Variants in SPTB observed in about 807,000 individuals in gnomAD.
SPTB encodes the protein spectrin beta chain, erythrocytic.
Under a neutral mutation model 256.2 loss-of-function variants are expected in SPTB, and 45 were observed. That is an observed-to-expected ratio of 0.18 (90% confidence interval 0.14 to 0.23). SPTB has a LOEUF of 0.23. SPTB is among the 10% of genes least tolerant of loss of function. SPTB has a pLI of 1.00. For synonymous variants in SPTB, 1,231 were observed against 1,243.1 expected, an observed-to-expected ratio of 0.99 and a Z score of 0.21; for missense variants, 2,715 against 3,040.4, an observed-to-expected ratio of 0.89 and a Z score of 2.52.
chr14:64,822,374 T>TCTCTCTCTCACACACACA (rs1365655327), intron 2 of SPTB, among the ~76,000 whole-genome samples: 2 of 1,018 alleles, frequency 2.0e-3, no homozygotes, highest in African/African-American at 4.5e-3. Flanking sequence ...TCTCTCTCTC[T>TCTCTCTCTCACACACACA]CACACACACA....
chr14:64,752,063 C>T, intron 33 of SPTB: 1 of 738,110 alleles, frequency 1.4e-6, no homozygotes, highest in Non-Finnish European at 1.9e-6. Context: ...CAGTTCACTC[C>T]AGCCGGGGTG....
intron 10 of SPTB, 125 bp downstream of exon 10, chr14:64,797,599 TAGTCA>T: frequency 1.4e-6 from 1 of 720,802 alleles, no homozygotes; most frequent in Non-Finnish European, 2.5e-6. Context: ...CTCCCCCAAA[TAGTCA>T]ACATGTGGAT....
Position 64,807,160 on chromosome 14 carries a change from C to T in SPTB, c.149-2070G>A, listed in dbSNP as rs1418171237. 1.3e-5 allele frequency among the ~76,000 whole-genome samples: 2 copies of T among 152,234 alleles called. No homozygotes were observed. The highest frequency in any genetic ancestry group is 2.9e-5 in the Non-Finnish European group (2 of 68,042). ...TCTATTCTTTAAGTAGCTAACCCTTCAGGTCAGGTGTGGAGCCTCTGACTA... is the reference window on the plus strand; with the variant it reads ...TCTATTCTTTAAGTAGCTAACCCTTTAGGTCAGGTGTGGAGCCTCTGACTA... On this transcript the variant is annotated intron_variant, in intron 2 of 35. Transcript: ENST00000644917. The surrounding 1 kb of genome is among the most constrained non-coding windows in gnomAD (Gnocchi z 4.7).
intron 32 of SPTB, among the ~76,000 whole-genome samples, chr14:64,763,199 G>A (rs1273264525): frequency 6.6e-6 from 1 of 152,242 alleles, no homozygotes; most frequent in African/African-American, 2.4e-5. Flanking sequence ...TGGGAGGTGG[G>A]GGATGCTCAG....
Position 64,818,788 on chromosome 14 carries a change from G to C in SPTB, c.148+4159C>G, listed in dbSNP as rs139895311. 9.5e-3 allele frequency among the ~76,000 whole-genome samples: 1,448 copies of C among 152,316 alleles called. 27 individuals carry two copies. Among genetic ancestry groups the C allele is most frequent in the African/African-American group, 0.033 (1,373 of 41,570 alleles). On this transcript the variant is annotated intron_variant, in intron 2 of 35. Transcript: ENST00000644917. ...ACAATTAGGGGGACTCTAGGAGATGGGGGGAGCCTTTCTATTGAAACATGA... is the reference window on the plus strand; with the variant it reads ...ACAATTAGGGGGACTCTAGGAGATGCGGGGAGCCTTTCTATTGAAACATGA...
chr14:64,850,587 C>T (rs1329498863), intron 1 of SPTB, among the ~76,000 whole-genome samples: 1 of 152,176 alleles, frequency 6.6e-6, no homozygotes, highest in Admixed American at 6.5e-5. Context: ...GCACGAGTCC[C>T]CTGCCTCTTG....
rs1035408176 is a variant in SPTB, at chr14:64,825,455, C to T, written c.-51-2310G>A. Among the ~76,000 whole-genome samples, 2 of 148,424 alleles carry T rather than the reference C, an allele frequency of 1.3e-5. No individual in the cohort carries two copies. Among genetic ancestry groups the T allele is most frequent in the Admixed American group, 6.6e-5 (1 of 15,074 alleles). ...TAGCCGGGAAAGATACCCCCCACCC[C>T]CGGCCCCACACCTTTCTCTATTTCC... On this transcript the variant is annotated intron_variant, in intron 1 of 35. Coordinates refer to ENST00000644917, the MANE Select transcript of SPTB (RefSeq NM_001355436.2). The surrounding 1 kb of genome is among the most constrained non-coding windows in gnomAD (Gnocchi z 4.8).
In SPTB at chr14:64,805,110, T is replaced by C; in HGVS notation, c.149-20A>G. 6.2e-7 allele frequency: 1 copy of C among 1,614,092 alleles called. No homozygotes were observed. The highest frequency in any genetic ancestry group is 8.5e-7 in the Non-Finnish European group (1 of 1,179,998). ...GCTCATCTAGGTGGAGAGAAGAACC[T>C]TGGTGAGGTGCCTGAGGTTGGCAGG... On this transcript the variant is annotated intron_variant, in intron 2 of 35. Coordinates refer to ENST00000644917, the MANE Select transcript of SPTB (RefSeq NM_001355436.2).
intron 32 of SPTB, chr14:64,754,146 G>A (rs987231032): frequency 4.9e-6 from 2 of 406,818 alleles, no homozygotes; most frequent in African/African-American, 4.1e-5. Context: ...AGGTTCCAAT[G>A]CTGCTGGCAA....
rs1547087 is a variant in SPTB at position 64,873,692 on chromosome 14, G to A, written c.-52+6100C>T. 0.77 allele frequency among the ~76,000 whole-genome samples: 117,754 copies of A among 152,052 alleles called. 46,286 individuals are homozygous for A. The highest frequency in any genetic ancestry group is 0.86 in the African/African-American group (35,550 of 41,476). ...ATTCTGCTGAAGAAAAAAAGCAACCGCGGTCTCAACCAGAAGGCCCAGAAT... is the reference window on the plus strand; with the variant it reads ...ATTCTGCTGAAGAAAAAAAGCAACCACGGTCTCAACCAGAAGGCCCAGAAT... On this transcript the variant is annotated intron_variant, in intron 1 of 35. Transcript: ENST00000644917. This position sits in a 1 kb window ranked among gnomAD's most constrained non-coding sequence, Gnocchi z 4.3.
intron 24 of SPTB, among the ~76,000 whole-genome samples, chr14:64,774,008 C>T (rs1203110361): frequency 6.6e-6 from 1 of 152,234 alleles, no homozygotes; most frequent in African/African-American, 2.4e-5. Context: ...TCCACCTGCA[C>T]TCCTACATCA....
intron 26 of SPTB, among the ~76,000 whole-genome samples, 186 bp from the exon 27 acceptor site, chr14:64,771,315 A>T (rs565808342): frequency 6.6e-6 from 1 of 152,284 alleles, no homozygotes; most frequent in African/African-American, 2.4e-5. Flanking sequence ...ACCTCTGCCT[A>T]CCCAAGATAC....
At chr14:64,834,958 G>C (rs1357952946) in intron 1 of SPTB, among the ~76,000 whole-genome samples, 1 of 152,168 alleles carries the variant, frequency 6.6e-6, no homozygotes, top group Non-Finnish European at 1.5e-5. Context: ...AACAAAAAGA[G>C]CTATTTTAAA....
intron 1 of SPTB, among the ~76,000 whole-genome samples, chr14:64,869,043 C>T (rs72625641): frequency 0.053 from 7,926 of 150,070 alleles, 273 homozygotes; most frequent in Middle Eastern, 0.085. Flanking sequence ...AAAAAAGAAA[C>T]GCTGAGAATT....
Position 64,795,875 on chromosome 14 carries a change from G to A in SPTB, c.1342-236C>T, listed in dbSNP as rs45534843. Among the ~76,000 whole-genome samples the A allele has an allele frequency of 0.029, 4,445 of 152,224 alleles. 111 individuals are homozygous for A. Among genetic ancestry groups the A allele is most frequent in the Non-Finnish European group, 0.046 (3,155 of 68,008 alleles). ...TGATTTTACTCCCCGTGCCACCCGC[G>A]TGGGAGATGCAGCCTGCGTGTTACT... On this transcript the variant is annotated intron_variant, in intron 11 of 35. Transcript: ENST00000644917. This position sits in a 1 kb window ranked among gnomAD's most constrained non-coding sequence, Gnocchi z 6.5.
At position 64,873,857 on chromosome 14, in the gene SPTB, G is replaced by T. The variant is rs573727210; in HGVS notation, c.-52+5935C>A. On this transcript the variant is annotated intron_variant, in intron 1 of 35. Coordinates refer to ENST00000644917, the MANE Select transcript of SPTB (RefSeq NM_001355436.2). The surrounding 1 kb of genome is among the most constrained non-coding windows in gnomAD (Gnocchi z 4.3). ...ACATTTCTAATCCTGTTTTGTAACT[G>T]GAAACCAGGAATAATCAGATCTTCC... Among the ~76,000 whole-genome samples the T allele has an allele frequency of 3.0e-4, 46 of 152,204 alleles. No individual in the cohort carries two copies. The highest frequency in any genetic ancestry group is 1.1e-3 in the African/African-American group (46 of 41,518).
At position 64,769,059 on chromosome 14, in the gene SPTB, T is replaced by C. The variant is rs2082237170; in HGVS notation, c.5997A>G (p.Glu1999=). The C allele has an allele frequency of 2.5e-6, 4 of 1,613,700 alleles. No individual in the cohort carries two copies. The African/African-American group carries it at 4.0e-5, about 16-fold the overall frequency. ...ACATGCGGAGCCGCTCCCAGCGGGC[T>C]TCCCACTTCTCATTCATCTCTTTCC... ...SRRKEMNEKW[E]ARWERLRMLL... is the part of the protein sequence containing the mutation. Residue 1999 remains glutamate (E), a synonymous_variant, in exon 29 of 36, where the codon GAA becomes GAG. Transcript: ENST00000644917.
intron 9 of SPTB, among the ~76,000 whole-genome samples, chr14:64,798,189 TA>T (rs1448224272): frequency 1.2e-4 from 18 of 152,194 alleles, no homozygotes; most frequent in Non-Finnish European, 2.5e-4. Flanking sequence ...AAAAAAATTT[TA>T]AAAAACCTTC....
In SPTB at chr14:64,823,395, C is replaced by A. The variant is rs1386379586; in HGVS notation, c.-51-250G>T. Among the ~76,000 whole-genome samples, 1 of 152,178 alleles carries A rather than the reference C, an allele frequency of 6.6e-6. No individual in the cohort carries two copies. On this transcript the variant is annotated intron_variant, in intron 1 of 35. Coordinates refer to ENST00000644917, the MANE Select transcript of SPTB (RefSeq NM_001355436.2). The surrounding 1 kb of genome is among the most constrained non-coding windows in gnomAD (Gnocchi z 6.5). ...CTGCACGTAGCAAGGGTCAGGACGG[C>A]CAGCAGGTGGAGACGTCAGTCGCAG... is the stretch of plus-strand genomic sequence containing the variant.
Sources: gnomAD v4.1 joint callset for allele counts (sites outside exome capture counted in the v4.1 genomes callset) on GRCh38, gnomAD v4.1.1 for gene constraint, Gnocchi (gnomAD v3.1) non-coding constraint, MANE v1.5 for transcripts, NCBI Gene and HGNC (gene_info 2026-07-23, HGNC 2026-07-21) for gene names.